MTA3: variants seen among roughly 807,000 people sequenced by gnomAD.
MTA3 encodes the protein metastasis-associated protein MTA3.
Under a neutral mutation model 83.5 loss-of-function variants are expected in MTA3, and 34 were observed. The ratio of observed to expected loss-of-function variants is 0.41; its 90% CI spans 0.31 to 0.54. The LOEUF (loss-of-function observed/expected upper bound fraction) is 0.54. MTA3 is among the 20% of genes least tolerant of loss of function. The pLI, the probability that MTA3 is intolerant of heterozygous loss-of-function variation, is 0.33. For synonymous variants in MTA3, 303 were observed against 252.7 expected, an observed-to-expected ratio of 1.20 and a Z score of -1.89; for missense variants, 761 against 726.4, an observed-to-expected ratio of 1.05 and a Z score of -0.55.
chr2:42,638,075 T>G (rs758535901), intron 4 of MTA3, among the ~76,000 whole-genome samples: 1 of 152,178 alleles, frequency 6.6e-6, no homozygotes, highest in Admixed American at 6.5e-5. Context: ...AAATAAAATT[T>G]AGCAGGTTTT....
At chr2:42,702,122 A>T (rs1665631821) in intron 11 of MTA3, among the ~76,000 whole-genome samples, 2 of 151,862 alleles carry the variant, frequency 1.3e-5, no homozygotes, top group Admixed American at 6.6e-5. Flanking sequence ...GAGGCAGGAG[A>T]ATCGCTTGAA....
At chr2:42,667,578 G>GTGTGTGTGTT (rs1553379083) in intron 8 of MTA3, among the ~76,000 whole-genome samples, 68 of 129,810 alleles carry the variant, frequency 5.2e-4, no homozygotes, top group Admixed American at 8.1e-4. Flanking sequence ...AATTGTGTGT[G>GTGTGTGTGTT]TGTGTGTGTG....
At chr2:42,704,164 T>G in intron 11 of MTA3, 30 bp from the exon 12 acceptor site, 1 of 1,607,714 alleles carries the variant, frequency 6.2e-7, no homozygotes, top group South Asian at 1.1e-5. Context: ...TACAAATCAT[T>G]TTATCACCTT....
At chr2:42,588,733 A>T (rs1680628283) in intron 3 of MTA3, among the ~76,000 whole-genome samples, 1 of 152,174 alleles carries the variant, frequency 6.6e-6, no homozygotes, top group Non-Finnish European at 1.5e-5. Flanking sequence ...GAGAAAGAGA[A>T]CCAGATGGAG....
chr2:42,609,853 C>G (rs1020015907), intron 4 of MTA3, among the ~76,000 whole-genome samples: 2 of 152,172 alleles, frequency 1.3e-5, no homozygotes, highest in African/African-American at 2.4e-5. Flanking sequence ...AATTCCAGCA[C>G]TTTGGGAGGC....
At chr2:42,594,730 T>TATATATA (rs1558473027) in intron 3 of MTA3, among the ~76,000 whole-genome samples, 1 of 14,042 alleles carries the variant, frequency 7.1e-5, no homozygotes, top group African/African-American at 3.2e-4. Context: ...ATATATATAT[T>TATATATA]TTTTTTTTTT....
In MTA3 at chr2:42,640,068, A is replaced by T; in HGVS notation, c.318-105A>T. The T allele has an allele frequency of 3.9e-6, 3 of 762,114 alleles. No homozygotes were observed. In the Admixed American group the frequency reaches 7.9e-5, roughly 20 times the overall value. The allele number at this position is 762,114 out of a possible 1,614,324, so 47.2% of individuals were successfully genotyped here. A position where few individuals can be genotyped will look rare whatever the true frequency, so the allele number is the denominator to read the frequency against. ...GAAAAAATATATATTCCTAACTGCC[A>T]TGTAGTTTCTTAATACCAGTCTCAC... On this transcript the variant is annotated intron_variant, in intron 4 of 16. Coordinates refer to ENST00000405094, the MANE Select transcript of MTA3 (RefSeq NM_001330442.2).
intron 16 of MTA3, among the ~76,000 whole-genome samples, chr2:42,727,402 A>G (rs1203877917): frequency 6.6e-6 from 1 of 152,172 alleles, no homozygotes; most frequent in African/African-American, 2.4e-5. Context: ...TTCCAGTCCC[A>G]TCTCCTCCAC....
intron 4 of MTA3, among the ~76,000 whole-genome samples, chr2:42,633,222 T>C (rs1686854223): frequency 6.6e-6 from 1 of 151,016 alleles, no homozygotes; most frequent in African/African-American, 2.4e-5. Flanking sequence ...GAGGTTGCAG[T>C]GAGCCGAGAT....
intron 2 of MTA3, among the ~76,000 whole-genome samples, chr2:42,519,736 T>C (rs866514650): frequency 6.6e-6 from 1 of 151,900 alleles, no homozygotes; most frequent in South Asian, 2.1e-4. Context: ...CCTTCATCTG[T>C]ACAAATAAAA....
intron 15 of MTA3, among the ~76,000 whole-genome samples, chr2:42,720,020 C>G (rs934282814): frequency 6.6e-6 from 1 of 152,064 alleles, no homozygotes; most frequent in Non-Finnish European, 1.5e-5. Context: ...GTTCAGACTG[C>G]AGACATCAAC....
chr2:42,723,716 G>A (rs1667602148), intron 16 of MTA3, among the ~76,000 whole-genome samples: 2 of 151,998 alleles, frequency 1.3e-5, no homozygotes, highest in African/African-American at 2.4e-5. Context: ...CAGTAGTTCT[G>A]GACTTTGAAA....
intron 12 of MTA3, among the ~76,000 whole-genome samples, chr2:42,705,703 C>T (rs1290676782): frequency 1.3e-5 from 2 of 152,000 alleles, no homozygotes; most frequent in Non-Finnish European, 2.9e-5. Context: ...GAAACATCGT[C>T]TCCCCCCCGC....
chr2:42,523,231 G>T (rs1675507492), intron 2 of MTA3, among the ~76,000 whole-genome samples: 1 of 152,160 alleles, frequency 6.6e-6, no homozygotes, highest in Admixed American at 6.6e-5. Context: ...GGGTTGGATA[G>T]CTAGATGCCC....
chr2:42,680,648 C>T (rs1691802993), intron 8 of MTA3, among the ~76,000 whole-genome samples: 2 of 152,206 alleles, frequency 1.3e-5, no homozygotes, highest in Non-Finnish European at 2.9e-5. Context: ...TTTCCTGTTA[C>T]ACATACACAT....
At chr2:42,681,484 G>C (rs540896181) in intron 8 of MTA3, among the ~76,000 whole-genome samples, 63 of 152,058 alleles carry the variant, frequency 4.1e-4, no homozygotes, top group Non-Finnish European at 8.1e-4. Flanking sequence ...TCTTGCACAA[G>C]AGCTGAAGTG....
At chr2:42,517,545 C>T (rs1675201753) in intron 2 of MTA3, among the ~76,000 whole-genome samples, 1 of 133,886 alleles carries the variant, frequency 7.5e-6, no homozygotes, top group African/African-American at 2.8e-5. Flanking sequence ...TGCACTCCAG[C>T]CTTGGGGACA....
intron 8 of MTA3, among the ~76,000 whole-genome samples, chr2:42,675,675 G>C (rs1279411896): frequency 6.6e-6 from 1 of 152,036 alleles, no homozygotes; most frequent in African/African-American, 2.4e-5. Flanking sequence ...AAACTTCTCT[G>C]GCATTTCAAA....
chr2:42,627,827 C>T (rs1216395537), intron 4 of MTA3, among the ~76,000 whole-genome samples: 1 of 150,928 alleles, frequency 6.6e-6, no homozygotes, highest in Non-Finnish European at 1.5e-5. Context: ...ATCTGCCCAC[C>T]TGGGCCTTCC....
Sources: allele counts gnomAD v4.1 joint callset (sites outside exome capture counted in the v4.1 genomes callset), GRCh38; gene constraint gnomAD v4.1.1; transcripts MANE v1.5; gene names NCBI Gene and HGNC (gene_info 2026-07-23, HGNC 2026-07-21).